Variants in DMTF1 observed in about 807,000 individuals in gnomAD.
DMTF1 encodes cyclin D binding myb like transcription factor 1.
In DMTF1, 39 loss-of-function variants were observed where a neutral mutation model predicts 91.1. The ratio of observed to expected loss-of-function variants is 0.43; its 90% confidence interval spans 0.33 to 0.56. The LOEUF is 0.56. Among genes scored for constraint, DMTF1 ranks in the 20% least tolerant of loss-of-function variants. DMTF1 has a pLI of 0.05. For missense variants in DMTF1, 750 were observed against 914.5 expected, an observed-to-expected ratio of 0.82 and a Z score of 2.32; for synonymous variants, 338 against 309.5, an observed-to-expected ratio of 1.09 and a Z score of -0.97.
At chr7:87,181,128 G>C (rs1424624656) in intron 8 of DMTF1, 181 bp from the exon 9 acceptor site, 1 of 380,624 alleles carries the variant, frequency 2.6e-6, no homozygotes, top group African/African-American at 2.1e-5. Flanking sequence ...GGGATTATAG[G>C]CGTGAGCCGC....
intron 5 of DMTF1, 139 bp downstream of exon 5, chr7:87,171,228 A>T: frequency 2.0e-6 from 1 of 493,000 alleles, no homozygotes; most frequent in East Asian, 3.4e-5. Flanking sequence ...AGCCCTTATT[A>T]TGAAACAAAT....
chr7:87,181,383 T>G (rs977237936), intron 9 of DMTF1, 42 bp downstream of exon 9: 4 of 961,606 alleles, frequency 4.2e-6, no homozygotes, highest in Non-Finnish European at 6.4e-6. Context: ...ATTTTTTATG[T>G]CTTACGTCCT....
intron 1 of DMTF1, among the ~76,000 whole-genome samples, chr7:87,153,449 G>T (rs1047395636): frequency 6.6e-6 from 1 of 152,206 alleles, no homozygotes; most frequent in Non-Finnish European, 1.5e-5. Context: ...GCAGATTTGA[G>T]AGTAGAAGTG....
chr7:87,166,354 AG>A, intron 3 of DMTF1, 128 bp from the exon 4 acceptor site: 1 of 839,308 alleles, frequency 1.2e-6, no homozygotes, highest in Non-Finnish European at 1.8e-6. Context: ...TTGCACAACT[AG>A]GTTTAGTTAA....
chr7:87,164,769 T>C (rs1276353677), intron 2 of DMTF1, among the ~76,000 whole-genome samples, 165 bp from the exon 3 acceptor site: 1 of 152,254 alleles, frequency 6.6e-6, no homozygotes, highest in African/African-American at 2.4e-5. Context: ...TATAAATTTG[T>C]GAAAGGCAGT....
intron 4 of DMTF1, among the ~76,000 whole-genome samples, chr7:87,167,059 T>C (rs1793992859): frequency 6.6e-6 from 1 of 152,228 alleles, no homozygotes; most frequent in African/African-American, 2.4e-5. Context: ...AATATTGTTA[T>C]TCCTATTTTA....
At chr7:87,185,253 C>G (rs1044459357) in intron 11 of DMTF1, among the ~76,000 whole-genome samples, 2 of 152,178 alleles carry the variant, frequency 1.3e-5, no homozygotes, top group Non-Finnish European at 2.9e-5. Flanking sequence ...GTCACCATGG[C>G]TACTCCCTAC....
At position 87,178,218 on chromosome 7, in the gene DMTF1, C is replaced by T. The variant is rs79757917; in HGVS notation, c.520-1327C>T. ...TAAGTTCTGATGCTCTTAATTTTGA[C>T]GCTGTGTGGGAGCTTTTTAAAATGT... On this transcript the variant is annotated intron_variant, in intron 7 of 17. Transcript: ENST00000331242. 1.4e-3 allele frequency among the ~76,000 whole-genome samples: 210 copies of T among 152,150 alleles called. 1 individual carries two copies. The highest frequency in any genetic ancestry group is 3.4e-3 in the Middle Eastern group (1 of 294).
chr7:87,175,023 TG>T (rs1385539104), intron 7 of DMTF1, among the ~76,000 whole-genome samples: 5 of 150,796 alleles, frequency 3.3e-5, no homozygotes, highest in Admixed American at 6.6e-5. Context: ...GTTTTGTTTT[TG>T]TTTTTTTTTT....
At chr7:87,189,945 G>C (rs765726530) in intron 13 of DMTF1, among the ~76,000 whole-genome samples, 7 of 152,042 alleles carry the variant, frequency 4.6e-5, no homozygotes, top group South Asian at 2.1e-4. Context: ...TACAAATCAA[G>C]TGCATTTCTA....
intron 13 of DMTF1, among the ~76,000 whole-genome samples, chr7:87,189,578 TTCTC>T (rs1011402184): frequency 3.3e-5 from 5 of 152,160 alleles, no homozygotes; most frequent in Non-Finnish European, 5.9e-5. Flanking sequence ...ATTTAGAATT[TTCTC>T]TCTTACAGCA....
chr7:87,154,755 CT>C (rs1172626453), intron 1 of DMTF1, among the ~76,000 whole-genome samples: 1 of 152,022 alleles, frequency 6.6e-6, no homozygotes, highest in African/African-American at 2.4e-5. Flanking sequence ...TCCTCTAGTC[CT>C]TTTTTTAGAG....
chr7:87,176,897 T>C (rs559848250), intron 7 of DMTF1, among the ~76,000 whole-genome samples: 143 of 152,202 alleles, frequency 9.4e-4, no homozygotes, highest in African/African-American at 3.3e-3. Context: ...AAAGGATAAA[T>C]GCAAGTAACG....
chr7:87,168,133 A>G (rs747901365), intron 4 of DMTF1, among the ~76,000 whole-genome samples: 27 of 152,208 alleles, frequency 1.8e-4, no homozygotes, highest in Non-Finnish European at 3.2e-4. Context: ...ATGTTTAGCA[A>G]TAAGACTGAT....
At chr7:87,160,374 A>G (rs1791987426) in intron 1 of DMTF1, among the ~76,000 whole-genome samples, 1 of 151,308 alleles carries the variant, frequency 6.6e-6, no homozygotes, top group Non-Finnish European at 1.5e-5. Flanking sequence ...TCCTGGGTTC[A>G]AGTGATTCTC....
Position 87,194,005 on chromosome 7 carries a change from T to G in DMTF1, c.1931T>G (p.Met644Arg). Residue 644 changes from methionine (M) to arginine (R), a missense_variant, in exon 16 of 18, where the codon ATG (methionine) becomes AGG (arginine). Coordinates refer to ENST00000331242, the MANE Select transcript of DMTF1 (RefSeq NM_001142327.2). Reference sequence around the variant, plus strand: ...AGTGACCAAAATAGCACAGAACTGATGAATAGTGTTATGGTCAGAACAGAA... The same window carrying G: ...AGTGACCAAAATAGCACAGAACTGAGGAATAGTGTTATGGTCAGAACAGAA... ...KFSDQNSTEL[M>R]NSVMVRTEEE... The G allele has an allele frequency of 6.2e-7, 1 of 1,613,240 alleles. No individual in the cohort carries two copies. The highest frequency in any genetic ancestry group is 8.5e-7 in the Non-Finnish European group (1 of 1,179,550).
In DMTF1 at chr7:87,195,142, A is replaced by C; in HGVS notation, c.*2A>C. ...GAAGATTTGGTAAACTGTCATTAGA[A>C]TAATTCTTAGAAATAGGCAGTTCAA... On this transcript the variant is annotated 3_prime_UTR_variant, in exon 18 of 18. Transcript: ENST00000331242. The C allele has an allele frequency of 6.2e-7, 1 of 1,601,106 alleles. No individual in the cohort carries two copies. The highest frequency in any genetic ancestry group is 8.6e-7 in the Non-Finnish European group (1 of 1,169,118).
intron 9 of DMTF1, among the ~76,000 whole-genome samples, chr7:87,181,706 G>A (rs1013559770): frequency 6.6e-6 from 1 of 152,144 alleles, no homozygotes; most frequent in African/African-American, 2.4e-5. Flanking sequence ...CTTGGCAAAT[G>A]TTTCAGTGAA....
intron 7 of DMTF1, among the ~76,000 whole-genome samples, chr7:87,179,106 G>C (rs991683903): frequency 4.0e-5 from 6 of 151,660 alleles, no homozygotes; most frequent in African/African-American, 1.2e-4. Context: ...TTCTAATACT[G>C]TTTGTGTCTT....
Sources: gnomAD v4.1 joint callset for allele counts (sites outside exome capture counted in the v4.1 genomes callset) on GRCh38, gnomAD v4.1.1 for gene constraint, MANE v1.5 for transcripts, NCBI Gene and HGNC (gene_info 2026-07-23, HGNC 2026-07-21) for gene names.